The following GRM5 variants were observed in gnomAD, a reference collection of about 807,000 sequenced individuals.
GRM5 encodes the protein metabotropic glutamate receptor 5.
A neutral mutation model predicts 83.1 loss-of-function variants in GRM5; 19 were observed. The observed-to-expected ratio is 0.23, with a 90% CI of 0.16 to 0.34. The LOEUF (loss-of-function observed/expected upper bound fraction) is 0.34, where lower values mean the gene tolerates loss of function less well. Ranked by LOEUF, GRM5 falls within the 10% of genes least tolerant of loss-of-function variation. The pLI, the probability that GRM5 is intolerant of heterozygous loss-of-function variation, is 1.00. For missense variants in GRM5, 1,160 were observed against 1,588.3 expected (o/e 0.73, Z 4.58); for synonymous variants, 675 against 633.6 (o/e 1.07, Z -0.98).
rs1940402481 is a variant in GRM5 at position 88,678,803 on chromosome 11, T to C, written c.912-25400A>G. On this transcript the variant is annotated intron_variant, in intron 3 of 9. Coordinates refer to ENST00000305447, the MANE Select transcript of GRM5 (RefSeq NM_001143831.3). The stretch of plus-strand genomic sequence containing the variant: ...CTCAGATCCAAAGATGAGTGGTAAT[T>C]AACTAGGTGAAGAAATATGCCAGTA... Among the ~76,000 whole-genome samples, 3 of 152,202 alleles carry C rather than the reference T, an allele frequency of 2.0e-5. No individual in the cohort carries two copies. The South Asian group carries it at 6.2e-4, about 32-fold the overall frequency.
intron 1 of GRM5, among the ~76,000 whole-genome samples, chr11:89,062,079 A>G (rs985166573): frequency 2.0e-5 from 3 of 152,230 alleles, no homozygotes; most frequent in African/African-American, 7.2e-5. Context: ...GACGCACACT[A>G]CTAACCCAAT....
intron 2 of GRM5, chr11:88,925,678 G>A: frequency 2.3e-6 from 1 of 443,372 alleles, no homozygotes; most frequent in Non-Finnish European, 4.5e-6. Context: ...TTGGAAGGCT[G>A]AAGCAAGCAG....
At chr11:88,980,893 C>T (rs1206347242) in intron 2 of GRM5, among the ~76,000 whole-genome samples, 3 of 151,880 alleles carry the variant, frequency 2.0e-5, no homozygotes, top group Non-Finnish European at 2.9e-5. Context: ...AGTATCATAC[C>T]AATTGTTTGG....
intron 4 of GRM5, among the ~76,000 whole-genome samples, chr11:88,614,396 A>G (rs1158352313): frequency 6.6e-6 from 1 of 152,186 alleles, no homozygotes; most frequent in Non-Finnish European, 1.5e-5. Flanking sequence ...AATGTAAATC[A>G]TAATAACCTT....
intron 3 of GRM5, among the ~76,000 whole-genome samples, chr11:88,704,088 A>G (rs990176176): frequency 6.6e-6 from 1 of 152,018 alleles, no homozygotes; most frequent in South Asian, 2.1e-4. Context: ...TGGTGCATGC[A>G]TATGGAAGAA....
chr11:88,993,976 C>T (rs941823427), intron 2 of GRM5, among the ~76,000 whole-genome samples: 3 of 152,018 alleles, frequency 2.0e-5, no homozygotes, highest in Non-Finnish European at 2.9e-5. Context: ...CTTTGGCCTC[C>T]GAAAGTACTG....
intron 1 of GRM5, among the ~76,000 whole-genome samples, chr11:89,052,382 AAAAGTAAGAT>A (rs1941779620): frequency 2.0e-5 from 3 of 152,210 alleles, no homozygotes; most frequent in Non-Finnish European, 4.4e-5. Context: ...AGTCAACCCA[AAAAGTAAGAT>A]AAAGTGAGAG....
At chr11:89,037,218 TTAA>T (rs1941411398) in intron 2 of GRM5, among the ~76,000 whole-genome samples, 1 of 152,108 alleles carries the variant, frequency 6.6e-6, no homozygotes, top group Non-Finnish European at 1.5e-5. Context: ...ATGTAAATGT[TTAA>T]TGTCAAAATA....
chr11:88,619,389 T>G (rs900305863), intron 4 of GRM5, among the ~76,000 whole-genome samples: 20 of 152,214 alleles, frequency 1.3e-4, no homozygotes, highest in African/African-American at 4.6e-4. Context: ...CTTTGTGGAT[T>G]CTCTTGATAA....
chr11:88,745,896 TCTA>T (rs1185115444), intron 3 of GRM5, among the ~76,000 whole-genome samples: 1 of 152,178 alleles, frequency 6.6e-6, no homozygotes, highest in Non-Finnish European at 1.5e-5. Flanking sequence ...AAAAGCCCCA[TCTA>T]CTACTTAAGT....
At chr11:88,849,842 C>G in intron 3 of GRM5, 64 bp downstream of exon 3, 1 of 1,464,870 alleles carries the variant, frequency 6.8e-7, no homozygotes. Flanking sequence ...ACACTAAAAG[C>G]TACCCTTCAG....
rs779465300 is a variant in GRM5 at position 88,567,780 on chromosome 11, G to A, written c.1903C>T (p.Leu635Phe). 3 of 1,613,986 alleles carry A rather than the reference G, an allele frequency of 1.9e-6. No homozygotes were observed. Among genetic ancestry groups the A allele is most frequent in the Non-Finnish European group, 2.5e-6 (3 of 1,179,844 alleles). The stretch of plus-strand genomic sequence containing the variant: ...TAAATCTGTTTGGGCTTCGCAATGA[G>A]GCAGAAGGTACATAAGTAGCCCAGG... ...ICLGYLCTFC[L>F]IAKPKQIYCY... The change falls in exon 8 of 10, where the codon CTC becomes TTC. Residue 635 changes from leucine to phenylalanine, a missense_variant. This residue lies in a region of GRM5 where 132 missense variants were observed against 245.5 expected (regional missense o/e 0.54). Coordinates refer to ENST00000305447, the MANE Select transcript of GRM5 (RefSeq NM_001143831.3). This position sits in a 1 kb window ranked among gnomAD's most constrained non-coding sequence, Gnocchi z 7.3.
chr11:88,525,252 C>T (rs551342529), intron 9 of GRM5, 57 bp downstream of exon 9: 2 of 993,836 alleles, frequency 2.0e-6, no homozygotes, highest in Non-Finnish European at 3.2e-6. Context: ...GCCACATGTT[C>T]CTCTAGCTTG....
intron 2 of GRM5, among the ~76,000 whole-genome samples, chr11:88,935,894 G>T (rs1937876846): frequency 6.6e-6 from 1 of 151,806 alleles, no homozygotes; most frequent in South Asian, 2.1e-4. Flanking sequence ...TTTATTTGGG[G>T]TAACACTAAT....
rs550217090 is a variant in GRM5 at position 88,714,116 on chromosome 11, G to T, written c.912-60713C>A. On this transcript the variant is annotated intron_variant, in intron 3 of 9. Coordinates refer to ENST00000305447, the MANE Select transcript of GRM5 (RefSeq NM_001143831.3). Reference sequence around the variant, plus strand: ...AATTCTAATTTGATATATACTTTAGGATTTTGTTTTGTTGTTTCAGTTAAC... The same window carrying T: ...AATTCTAATTTGATATATACTTTAGTATTTTGTTTTGTTGTTTCAGTTAAC... 7.9e-5 allele frequency among the ~76,000 whole-genome samples: 12 copies of T among 152,038 alleles called. No homozygotes were observed. In the South Asian group the frequency reaches 2.5e-3, roughly 32 times the overall value.
intron 4 of GRM5, among the ~76,000 whole-genome samples, chr11:88,650,315 A>C (rs1176029828): frequency 6.6e-6 from 1 of 151,972 alleles, no homozygotes; most frequent in African/African-American, 2.4e-5. Flanking sequence ...TAGCTGACAA[A>C]GGACTCATGT....
At chr11:89,028,639 T>G (rs11823358) in intron 2 of GRM5, among the ~76,000 whole-genome samples, 1 of 152,154 alleles carries the variant, frequency 6.6e-6, no homozygotes, top group Non-Finnish European at 1.5e-5. Context: ...ACTATAATTT[T>G]TAGCCATATA....
intron 4 of GRM5, among the ~76,000 whole-genome samples, chr11:88,634,501 C>G (rs1468568987): frequency 6.6e-6 from 1 of 151,956 alleles, no homozygotes; most frequent in East Asian, 1.9e-4. Context: ...AACCAAGATA[C>G]CTACACACAT....
Position 88,687,579 on chromosome 11 carries a change from A to ATATATTATATATATATAT in GRM5, c.912-34177_912-34176insATATATATATATAATATA, listed in dbSNP as rs1250226972. On this transcript the variant is annotated intron_variant, in intron 3 of 9. Transcript: ENST00000305447. The stretch of plus-strand genomic sequence containing the variant: ...ATATATATTATATATATATATATAT[A>ATATATTATATATATATAT]ATATATATATATATATATTCTCCAC... Among the ~76,000 whole-genome samples, 27 of 46,840 alleles carry ATATATTATATATATATAT rather than the reference A, an allele frequency of 5.8e-4. 2 individuals are homozygous for ATATATTATATATATATAT. The highest frequency in any genetic ancestry group is 8.2e-4 in the Non-Finnish European group (26 of 31,556). 30.7% of individuals were successfully genotyped at this position (46,840 alleles called of 152,430 possible).
Sources: allele counts gnomAD v4.1 joint callset (sites outside exome capture counted in the v4.1 genomes callset), GRCh38; gene constraint gnomAD v4.1.1; regional missense constraint gnomAD v4.1.1; non-coding constraint Gnocchi (gnomAD v3.1); transcripts MANE v1.5; gene names NCBI Gene and HGNC (gene_info 2026-07-23, HGNC 2026-07-21).